The following FOLH1 variants were observed in gnomAD, a reference collection of about 807,000 sequenced individuals.
FOLH1 encodes the protein folate hydrolase 1, also known as glutamate carboxypeptidase 2.
In FOLH1, 54 loss-of-function variants were observed where a neutral mutation model predicts 93.9. The observed-to-expected ratio is 0.57, with a 90% CI of 0.46 to 0.72. FOLH1 has a LOEUF of 0.72. Ranked by LOEUF, FOLH1 falls within the 30% of genes least tolerant of loss-of-function variation. FOLH1 has a pLI of 0.00. For synonymous variants in FOLH1, 249 were observed against 303.6 expected, an observed-to-expected ratio of 0.82 and a Z score of 1.87; for missense variants, 571 against 892.5, an observed-to-expected ratio of 0.64 and a Z score of 4.59.
chr11:49,160,378 G>A (rs1308565598), intron 13 of FOLH1, among the ~76,000 whole-genome samples: 8 of 152,066 alleles, frequency 5.3e-5, no homozygotes, highest in Non-Finnish European at 5.9e-5. Context: ...TTTGGGGTTT[G>A]TTTGCTTTTG....
chr11:49,187,413 T>A (rs865998766), intron 4 of FOLH1, among the ~76,000 whole-genome samples: 5 of 152,204 alleles, frequency 3.3e-5, no homozygotes, highest in African/African-American at 7.2e-5. Context: ...AAATTTTTTA[T>A]CATACCTTTA....
At chr11:49,206,470 T>A in intron 1 of FOLH1, 1 of 614,788 alleles carries the variant, frequency 1.6e-6, no homozygotes. Context: ...AAAATGACAT[T>A]AATGTTTCAA....
At chr11:49,158,164 A>G in intron 13 of FOLH1, 121 bp from the exon 14 acceptor site, 1 of 690,200 alleles carries the variant, frequency 1.4e-6, no homozygotes, top group Non-Finnish European at 2.3e-6. Flanking sequence ...GATGCTATCC[A>G]TACATTAGCA....
chr11:49,175,080 C>T lies in FOLH1; in HGVS notation c.1020-103G>A. ...CCCCTCTGCCTTTGAAGGTTCAAGT[C>T]TGGTAAAATAAACTGAAAACTGATT... On this transcript the variant is annotated intron_variant, in intron 8 of 18. Transcript: ENST00000256999. 3.8e-6 allele frequency: 4 copies of T among 1,048,250 alleles called. 1 individual carries two copies. The highest frequency in any genetic ancestry group is 5.6e-6 in the Non-Finnish European group (4 of 716,382). 64.9% of individuals were successfully genotyped at this position (1,048,250 alleles called of 1,614,324 possible). A position where few individuals can be genotyped will look rare whatever the true frequency, so the allele number is the denominator to read the frequency against.
chr11:49,189,319 GT>G (rs1349242447), intron 4 of FOLH1, among the ~76,000 whole-genome samples: 3 of 152,034 alleles, frequency 2.0e-5, no homozygotes, highest in African/African-American at 7.2e-5. Context: ...TTTTATTTTG[GT>G]TATTGTTTTC....
intron 2 of FOLH1, among the ~76,000 whole-genome samples, chr11:49,201,868 T>C (rs28411672): frequency 0.063 from 6,836 of 108,986 alleles, no homozygotes; most frequent in Non-Finnish European, 0.089. Context: ...CACAAAAAAG[T>C]GGGAGAAAAT....
Position 49,145,449 on chromosome 11 carries a change from C to T in FOLH1, c.*1307G>A, listed in dbSNP as rs537435357. On this transcript the variant is annotated 3_prime_UTR_variant, in exon 19 of 19. Coordinates refer to ENST00000256999, the MANE Select transcript of FOLH1 (RefSeq NM_004476.3). ...GTTCATGGTGGCCAGGAGAACCCAGCGGCCAAGAGCTTCTCCTGAAATTGT... is the reference window on the plus strand; with the variant it reads ...GTTCATGGTGGCCAGGAGAACCCAGTGGCCAAGAGCTTCTCCTGAAATTGT... Among the ~76,000 whole-genome samples the T allele has an allele frequency of 5.3e-5, 8 of 152,268 alleles. No individual in the cohort carries two copies. In the South Asian group the frequency reaches 1.2e-3, roughly 24 times the overall value.
rs187683973 is a variant in FOLH1 at position 49,179,269 on chromosome 11, G to A, written c.921-3312C>T. Reference sequence around the variant, plus strand: ...ATATAAAATGACTAAGATTCCTTGAGAAAGAAATTGAAAAATAGTGTAACT... The same window carrying A: ...ATATAAAATGACTAAGATTCCTTGAAAAAGAAATTGAAAAATAGTGTAACT... On this transcript the variant is annotated intron_variant, in intron 7 of 18. Coordinates refer to ENST00000256999, the MANE Select transcript of FOLH1 (RefSeq NM_004476.3). 5.9e-3 allele frequency among the ~76,000 whole-genome samples: 896 copies of A among 152,264 alleles called. 12 individuals are homozygous for A. The highest frequency in any genetic ancestry group is 0.021 in the African/African-American group (857 of 41,550).
chr11:49,165,669 C>T (rs1273006356), intron 12 of FOLH1, among the ~76,000 whole-genome samples: 1 of 152,102 alleles, frequency 6.6e-6, no homozygotes, highest in African/African-American at 2.4e-5. Flanking sequence ...GTGCGAATGC[C>T]CAGAAATGTA....
chr11:49,206,918 T>A, intron 1 of FOLH1: 2 of 758,922 alleles, frequency 2.6e-6, no homozygotes, highest in Middle Eastern at 2.3e-4. Context: ...TTAGAGAAAT[T>A]ACAGGATCTG....
At chr11:49,178,860 T>C (rs1860402085) in intron 7 of FOLH1, among the ~76,000 whole-genome samples, 1 of 152,216 alleles carries the variant, frequency 6.6e-6, no homozygotes, top group Non-Finnish European at 1.5e-5. Flanking sequence ...AGCATATTAA[T>C]TTTGATTTGA....
chr11:49,155,401 A>G (rs1856896912), intron 15 of FOLH1, among the ~76,000 whole-genome samples: 1 of 152,090 alleles, frequency 6.6e-6, no homozygotes, highest in Non-Finnish European at 1.5e-5. Context: ...AGAATAGCCC[A>G]TGAGGAAAGG....
At chr11:49,181,294 G>T (rs776573087) in intron 7 of FOLH1, among the ~76,000 whole-genome samples, 4 of 151,904 alleles carry the variant, frequency 2.6e-5, no homozygotes, top group Non-Finnish European at 2.9e-5. Context: ...TTTTAGTACG[G>T]ACGGGGTTTC....
intron 11 of FOLH1, among the ~76,000 whole-genome samples, chr11:49,170,050 A>C (rs1859052621): frequency 7.3e-6 from 1 of 136,752 alleles, no homozygotes; most frequent in Admixed American, 7.0e-5. Flanking sequence ...TTTTCAAAGA[A>C]AATTAAAGTC....
At chr11:49,153,174 C>T (rs1434166870) in intron 17 of FOLH1, among the ~76,000 whole-genome samples, 21 of 151,828 alleles carry the variant, frequency 1.4e-4, no homozygotes. Flanking sequence ...AGTATTCTCA[C>T]CAAGTATTTT....
At chr11:49,190,733 G>A (rs1405185513) in intron 4 of FOLH1, among the ~76,000 whole-genome samples, 1 of 152,048 alleles carries the variant, frequency 6.6e-6, no homozygotes, top group African/African-American at 2.4e-5. Flanking sequence ...ATCGCAAATT[G>A]CTAATTTTAA....
At chr11:49,154,950 G>A (rs1856855298) in intron 15 of FOLH1, among the ~76,000 whole-genome samples, 1 of 151,992 alleles carries the variant, frequency 6.6e-6, no homozygotes, top group East Asian at 1.9e-4. Context: ...GACAAGCAGT[G>A]TACTGAAGGC....
intron 4 of FOLH1, among the ~76,000 whole-genome samples, chr11:49,189,394 T>A (rs1385476473): frequency 6.6e-6 from 1 of 152,178 alleles, no homozygotes; most frequent in African/African-American, 2.4e-5. Context: ...AAAATAGAAT[T>A]GTTTCCAAGC....
intron 13 of FOLH1, among the ~76,000 whole-genome samples, chr11:49,159,984 G>A (rs1279145850): frequency 6.6e-5 from 10 of 150,732 alleles, no homozygotes; most frequent in Admixed American, 2.0e-4. Flanking sequence ...GTGCAATTGC[G>A]CGATCTCTGC....
Sources: gnomAD v4.1 joint callset for allele counts (sites outside exome capture counted in the v4.1 genomes callset) on GRCh38, gnomAD v4.1.1 for gene constraint, MANE v1.5 for transcripts, NCBI Gene and HGNC (gene_info 2026-07-23, HGNC 2026-07-21) for gene names.